Variants in UBE2F observed in about 807,000 individuals in gnomAD.
UBE2F encodes the protein NEDD8-conjugating enzyme UBE2F.
UBE2F carries 5 observed loss-of-function variants against 29.6 expected under a neutral mutation model. That is an observed-to-expected ratio of 0.17 (90% CI 0.09 to 0.36). The LOEUF (loss-of-function observed/expected upper bound fraction) is 0.36, where lower values mean the gene tolerates loss of function less well. Ranked by LOEUF, UBE2F falls within the 10% of genes least tolerant of loss-of-function variation. The pLI, the probability that UBE2F is intolerant of heterozygous loss-of-function variation, is 1.00. For missense variants in UBE2F, 141 were observed against 228.5 expected, an observed-to-expected ratio of 0.62 and a Z score of 2.47; for synonymous variants, 66 against 81.8, an observed-to-expected ratio of 0.81 and a Z score of 1.04.
At chr2:238,027,757 C>T (rs974531576) in intron 6 of UBE2F, among the ~76,000 whole-genome samples, 6 of 152,210 alleles carry the variant, frequency 3.9e-5, no homozygotes, top group East Asian at 1.9e-4. Context: ...AAAGCCCAAC[C>T]GCACCTCTGG....
At position 238,042,245 on chromosome 2, in the gene UBE2F, T is replaced by C. The variant is rs821501; in HGVS notation, c.*907T>C. On this transcript the variant is annotated 3_prime_UTR_variant, in exon 10 of 10. Transcript: ENST00000272930. ...TGGCTGGAGCCTGGACCAGCTGGGG[T>C]TGATGCTTTTGCAGTGGTCATGTGA... 127,151 of 152,274 alleles carry C rather than the reference T, an allele frequency of 0.84. 53,193 individuals carry two copies. Among genetic ancestry groups the C allele is most frequent in the East Asian group, 0.97 (5,032 of 5,182 alleles). 9.4% of individuals were successfully genotyped at this position (152,274 alleles called of 1,614,324 possible). A position where few individuals can be genotyped will look rare whatever the true frequency, so the allele number is the denominator to read the frequency against.
intron 4 of UBE2F, among the ~76,000 whole-genome samples, chr2:238,004,168 T>C (rs1416664431): frequency 6.6e-6 from 1 of 152,244 alleles, no homozygotes; most frequent in Non-Finnish European, 1.5e-5. Context: ...TTTTCTTAAA[T>C]TATAAGAAAC....
chr2:237,983,200 G>C (rs1263676197), intron 2 of UBE2F, among the ~76,000 whole-genome samples: 1 of 152,196 alleles, frequency 6.6e-6, no homozygotes, highest in African/African-American at 2.4e-5. Context: ...TCCCAGGGTT[G>C]TATTTAGTCA....
intron 2 of UBE2F, among the ~76,000 whole-genome samples, chr2:237,979,856 CA>C (rs2063346711): frequency 6.6e-6 from 1 of 152,210 alleles, no homozygotes; most frequent in Admixed American, 6.5e-5. Context: ...GGCTCTGCTA[CA>C]GGGGCTGTGA....
At chr2:238,018,221 T>C (rs2064207430) in intron 5 of UBE2F, among the ~76,000 whole-genome samples, 2 of 152,102 alleles carry the variant, frequency 1.3e-5, no homozygotes, top group African/African-American at 2.4e-5. Context: ...TGTTTAGAAT[T>C]TGGGGACTCT....
At chr2:238,030,697 A>G in intron 7 of UBE2F, 84 bp downstream of exon 7, 1 of 1,030,634 alleles carries the variant, frequency 9.7e-7, no homozygotes. Context: ...AAAGCAGCAC[A>G]TGTCCTTGCC....
intron 9 of UBE2F, among the ~76,000 whole-genome samples, chr2:238,041,075 C>G (rs1050699894): frequency 6.6e-6 from 1 of 152,166 alleles, no homozygotes; most frequent in Non-Finnish European, 1.5e-5. Context: ...GTGCTCCCCC[C>G]TCAACATACC....
chr2:238,038,963 C>T (rs1403631501), intron 9 of UBE2F, among the ~76,000 whole-genome samples: 2 of 152,190 alleles, frequency 1.3e-5, no homozygotes, highest in Non-Finnish European at 2.9e-5. Context: ...GGCCAGACAC[C>T]GTGGCTCACG....
At chr2:238,002,443 G>C (rs1305031352) in intron 4 of UBE2F, among the ~76,000 whole-genome samples, 1 of 151,984 alleles carries the variant, frequency 6.6e-6, no homozygotes, top group East Asian at 1.9e-4. Flanking sequence ...CACTATGTTG[G>C]CCAGGCTGGT....
intron 2 of UBE2F, among the ~76,000 whole-genome samples, chr2:237,977,375 T>TG (rs2063303227): frequency 6.6e-6 from 1 of 152,226 alleles, no homozygotes; most frequent in Non-Finnish European, 1.5e-5. Flanking sequence ...TCCCCTCTCG[T>TG]GGCCTTTCCT....
intron 2 of UBE2F, among the ~76,000 whole-genome samples, 180 bp downstream of exon 2, chr2:237,973,405 C>T (rs1212405745): frequency 5.9e-5 from 9 of 152,192 alleles, no homozygotes; most frequent in Admixed American, 5.9e-4. Context: ...GATATGAGCA[C>T]ACTGTTGCAA....
At chr2:237,988,956 A>C (rs1419663314) in intron 3 of UBE2F, among the ~76,000 whole-genome samples, 1 of 152,174 alleles carries the variant, frequency 6.6e-6, no homozygotes, top group African/African-American at 2.4e-5. Context: ...GTACATTCGG[A>C]AAGCTATCTA....
intron 9 of UBE2F, among the ~76,000 whole-genome samples, chr2:238,039,279 G>C (rs2064788838): frequency 6.6e-6 from 1 of 152,148 alleles, no homozygotes; most frequent in South Asian, 2.1e-4. Flanking sequence ...AAAAATAGGT[G>C]AACAAACACA....
Position 238,040,860 on chromosome 2 carries a change from G to T in UBE2F, c.508-428G>T, listed in dbSNP as rs2064823394. ...AGAGCAGGCACATTTTAAGTAGGTAGCAGCATCCAGGGAAATCATTCTAGG... is the reference window on the plus strand; with the variant it reads ...AGAGCAGGCACATTTTAAGTAGGTATCAGCATCCAGGGAAATCATTCTAGG... On this transcript the variant is annotated intron_variant, in intron 9 of 9. Transcript: ENST00000272930. This position sits in a 1 kb window ranked among gnomAD's most constrained non-coding sequence, Gnocchi z 4.4. 6.6e-6 allele frequency among the ~76,000 whole-genome samples: 1 copy of T among 151,984 alleles called. No homozygotes were observed. The highest frequency in any genetic ancestry group is 2.1e-4 in the South Asian group (1 of 4,818).
At chr2:237,979,509 GGT>G (rs2106331848) in intron 2 of UBE2F, among the ~76,000 whole-genome samples, 1 of 152,356 alleles carries the variant, frequency 6.6e-6, no homozygotes, top group East Asian at 1.9e-4. Flanking sequence ...GCGGGCTCAG[GGT>G]GTGGCATGCC....
At chr2:238,033,885 T>C (rs1409568123) in intron 8 of UBE2F, among the ~76,000 whole-genome samples, 1 of 152,232 alleles carries the variant, frequency 6.6e-6, no homozygotes, top group African/African-American at 2.4e-5. Flanking sequence ...ATTTGAAATC[T>C]GTCTGGCAGT....
chr2:238,035,700 T>A, intron 8 of UBE2F, 178 bp from the exon 9 acceptor site: 2 of 558,264 alleles, frequency 3.6e-6, no homozygotes, highest in Non-Finnish European at 6.4e-6. Flanking sequence ...TTGAAAAAAA[T>A]ACCCACATGT....
intron 2 of UBE2F, among the ~76,000 whole-genome samples, chr2:237,974,074 A>T (rs949392450): frequency 6.6e-6 from 1 of 151,904 alleles, no homozygotes; most frequent in African/African-American, 2.4e-5. Context: ...GCTCACTGCA[A>T]CCTCCACCTC....
intron 2 of UBE2F, among the ~76,000 whole-genome samples, chr2:237,985,839 T>G (rs2063470751): frequency 6.6e-6 from 1 of 152,226 alleles, no homozygotes; most frequent in Non-Finnish European, 1.5e-5. Flanking sequence ...GTTCTCTTTT[T>G]TCCACCTTCT....
Sources: allele counts gnomAD v4.1 joint callset (sites outside exome capture counted in the v4.1 genomes callset), GRCh38; gene constraint gnomAD v4.1.1; non-coding constraint Gnocchi (gnomAD v3.1); transcripts MANE v1.5; gene names NCBI Gene and HGNC (gene_info 2026-07-23, HGNC 2026-07-21).